The following TBXAS1 variants were observed in gnomAD, a reference collection of about 807,000 sequenced individuals.
The protein encoded by TBXAS1 is thromboxane-A synthase.
Under a neutral mutation model 60.7 loss-of-function variants are expected in TBXAS1, and 48 were observed. That is an observed-to-expected ratio of 0.79 (90% confidence interval 0.63 to 1.01). The LOEUF (loss-of-function observed/expected upper bound fraction) is 1.01, where lower values mean the gene tolerates loss of function less well. Ranked by LOEUF, TBXAS1 falls within the 50% of genes least tolerant of loss-of-function variation. The pLI, the probability that TBXAS1 is intolerant of heterozygous loss-of-function variation, is 0.00. For synonymous variants in TBXAS1, 287 were observed against 269.7 expected (o/e 1.06, Z -0.63); for missense variants, 685 against 686.3 (o/e 1.00, Z 0.02).
At chr7:140,007,305 G>C in intron 10 of TBXAS1, 123 bp downstream of exon 10, 1 of 858,428 alleles carries the variant, frequency 1.2e-6, no homozygotes, top group Non-Finnish European at 1.9e-6. Flanking sequence ...CAACGCCTGA[G>C]TCCTGGGTTC....
chr7:139,961,928 G>A lies in TBXAS1; in HGVS notation c.829G>A (p.Asp277Asn), dbSNP rs750770036. ...DQQAAEERRR[D>N]FLQMVLDARH... ...TCCTTTTGTTCCTTAGAGGCGGAGA[G>A]ACTTCCTCCAAATGGTCCTGGATGC... Residue 277 changes from aspartate (D) to asparagine (N), a missense_variant, in exon 9 of 13, where the codon GAC becomes AAC. Transcript: ENST00000448866. The A allele has an allele frequency of 2.5e-6, 4 of 1,614,250 alleles. No individual in the cohort carries two copies. The highest frequency in any genetic ancestry group is 3.4e-6 in the Non-Finnish European group (4 of 1,180,046).
At chr7:139,913,900 C>CT (rs770028145) in intron 4 of TBXAS1, 2 of 153,088 alleles carry the variant, frequency 1.3e-5, no homozygotes, top group Non-Finnish European at 1.5e-5. Flanking sequence ...ACTCCAGCCT[C>CT]TCCCTGCTCA....
intron 3 of TBXAS1, among the ~76,000 whole-genome samples, chr7:139,898,921 ACT>A (rs1804340184): frequency 6.8e-6 from 1 of 147,254 alleles, no homozygotes; most frequent in East Asian, 2.0e-4. Flanking sequence ...AGTTCCTAAG[ACT>A]CTCTGACACC....
chr7:139,956,335 G>A (rs1425955523), intron 7 of TBXAS1, among the ~76,000 whole-genome samples: 2 of 152,080 alleles, frequency 1.3e-5, no homozygotes, highest in African/African-American at 4.8e-5. Flanking sequence ...TAGTAGAGAA[G>A]GGGTTTCTCC....
chr7:139,955,420 CAG>C, intron 6 of TBXAS1, 37 bp from the exon 7 acceptor site: 1 of 1,613,864 alleles, frequency 6.2e-7, no homozygotes, highest in Non-Finnish European at 8.5e-7. Context: ...TAGCCCCTGC[CAG>C]AGTCCTTTCA....
chr7:139,970,820 C>T (rs182591378), intron 9 of TBXAS1, among the ~76,000 whole-genome samples: 29 of 152,278 alleles, frequency 1.9e-4, no homozygotes, highest in Admixed American at 1.4e-3. Context: ...CAGATGAAGA[C>T]GGCAACCTGA....
At chr7:139,799,004 G>C (rs1477103920) in intron 4 of TBXAS1, among the ~76,000 whole-genome samples, 1 of 150,942 alleles carries the variant, frequency 6.6e-6, no homozygotes, top group African/African-American at 2.4e-5. Flanking sequence ...TTCTCCACCT[G>C]CCGTCAGACA....
chr7:139,971,241 C>G (rs1460847383), intron 9 of TBXAS1, among the ~76,000 whole-genome samples: 1 of 152,170 alleles, frequency 6.6e-6, no homozygotes, highest in Non-Finnish European at 1.5e-5. Context: ...CCACTAATAT[C>G]AGAAAGGCCC....
Position 139,896,868 on chromosome 7 carries a change from G to A in TBXAS1, c.237-14357G>A, listed in dbSNP as rs1305371756. ...GAAGCTTAAACTTGCTTCAAATGAT[G>A]GAGAACCACTAGAGATTTATAGGGA... On this transcript the variant is annotated intron_variant, in intron 3 of 12. Coordinates refer to ENST00000448866, the MANE Select transcript of TBXAS1 (RefSeq NM_001061.7). The surrounding 1 kb of genome is among the most constrained non-coding windows in gnomAD (Gnocchi z 4.0). Among the ~76,000 whole-genome samples the A allele has an allele frequency of 6.6e-6, 1 of 152,152 alleles. No individual in the cohort carries two copies. The highest frequency in any genetic ancestry group is 6.5e-5 in the Admixed American group (1 of 15,270).
intron 3 of TBXAS1, chr7:139,906,122 C>A: frequency 2.6e-6 from 1 of 383,032 alleles, no homozygotes; most frequent in Non-Finnish European, 5.1e-6. Flanking sequence ...GTGGCTTGAT[C>A]TTGGATCACT....
chr7:139,823,907 A>T (rs1798368362), intron 4 of TBXAS1, among the ~76,000 whole-genome samples: 1 of 152,196 alleles, frequency 6.6e-6, no homozygotes, highest in Non-Finnish European at 1.5e-5. Flanking sequence ...AGGAAGCTCC[A>T]TTGTCCCTTT....
chr7:139,987,942 C>T (rs1812619708), intron 9 of TBXAS1, among the ~76,000 whole-genome samples: 1 of 152,218 alleles, frequency 6.6e-6, no homozygotes. Context: ...AAGAACGGAA[C>T]TCCACCAGTA....
chr7:139,911,387 C>T (rs1306157948), intron 4 of TBXAS1, 66 bp downstream of exon 4: 2 of 1,378,098 alleles, frequency 1.5e-6, no homozygotes, highest in South Asian at 2.3e-5. Flanking sequence ...CACTGCATGT[C>T]AGATCCAATG....
chr7:139,951,905 AAG>A lies in TBXAS1; in HGVS notation c.451-1459_451-1458del, dbSNP rs1220477469. 7.6e-3 allele frequency among the ~76,000 whole-genome samples: 270 copies of A among 35,580 alleles called. 25 individuals are homozygous for A. The highest frequency in any genetic ancestry group is 0.033 in the Middle Eastern group (2 of 60). 23.3% of individuals were successfully genotyped at this position (35,580 alleles called of 152,430 possible). Reference sequence around the variant, plus strand: ...AAAGAAGGAAGGAAGGAAGGAAAGAAAGAGAAAGAAAGAGAGAAAGAAAGAGA... The same window carrying A: ...AAAGAAGGAAGGAAGGAAGGAAAGAAAGAAAGAAAGAGAGAAAGAAAGAGA... On this transcript the variant is annotated intron_variant, in intron 5 of 12. Transcript: ENST00000448866.
At chr7:139,905,052 T>C (rs1804942036) in intron 3 of TBXAS1, among the ~76,000 whole-genome samples, 1 of 84,482 alleles carries the variant, frequency 1.2e-5, no homozygotes, top group Non-Finnish European at 2.2e-5. Flanking sequence ...TCTTTCTTTC[T>C]TTCTTTCTCT....
At chr7:140,002,730 C>T (rs1354869235) in intron 9 of TBXAS1, among the ~76,000 whole-genome samples, 1 of 152,144 alleles carries the variant, frequency 6.6e-6, no homozygotes, top group African/African-American at 2.4e-5. Flanking sequence ...ATTAGGACAG[C>T]CAGGGGGCTA....
At chr7:139,859,388 A>T (rs932026952) in intron 1 of TBXAS1, among the ~76,000 whole-genome samples, 7 of 149,448 alleles carry the variant, frequency 4.7e-5, no homozygotes, top group African/African-American at 1.7e-4. Flanking sequence ...TTGTATTTTT[A>T]GTAGAGACAG....
At chr7:139,818,295 CAGGT>C (rs1293031284) in intron 4 of TBXAS1, among the ~76,000 whole-genome samples, 1 of 152,106 alleles carries the variant, frequency 6.6e-6, no homozygotes, top group Non-Finnish European at 1.5e-5. Context: ...TGTTGTAACT[CAGGT>C]GGGTGCAGGT....
chr7:139,907,522 C>T (rs1290584837), intron 3 of TBXAS1, among the ~76,000 whole-genome samples: 6 of 152,162 alleles, frequency 3.9e-5, no homozygotes, highest in South Asian at 2.1e-4. Flanking sequence ...AACCTGTCCT[C>T]ATAAATTGAG....
Sources: allele counts gnomAD v4.1 joint callset (sites outside exome capture counted in the v4.1 genomes callset), GRCh38; gene constraint gnomAD v4.1.1; non-coding constraint Gnocchi (gnomAD v3.1); transcripts MANE v1.5; gene names NCBI Gene and HGNC (gene_info 2026-07-23, HGNC 2026-07-21).